NEIL3: variants seen among roughly 807,000 people sequenced by gnomAD.
The protein encoded by NEIL3 is endonuclease 8-like 3.
A neutral mutation model predicts 57.5 loss-of-function variants in NEIL3; 48 were observed. That is an observed-to-expected ratio of 0.83 (90% confidence interval 0.66 to 1.06). The LOEUF (loss-of-function observed/expected upper bound fraction) is 1.06, where lower values mean the gene tolerates loss of function less well. Ranked by LOEUF, NEIL3 falls within the 50% of genes least tolerant of loss-of-function variation. The probability of loss-of-function intolerance (pLI) is 0.00; values close to 1 mark genes in which losing one functional copy is unlikely to be tolerated. For missense variants in NEIL3, 717 were observed against 739.1 expected (o/e 0.97, Z 0.35); for synonymous variants, 261 against 253.2 (o/e 1.03, Z -0.29).
chr4:177,341,565 C>A lies in NEIL3; in HGVS notation c.792C>A (p.Cys264Ter). The A allele has an allele frequency of 6.2e-7, 1 of 1,613,420 alleles. No homozygotes were observed. The highest frequency in any genetic ancestry group is 8.5e-7 in the Non-Finnish European group (1 of 1,179,786). ...CGQCHCRITV[C>*]RFGDNNRMTY... is the part of the protein sequence containing the mutation. ...AGTGCCACTGCAGAATAACTGTGTGCCGCTTTGGGGACAATAACAGAATGA... is the reference window on the plus strand; with the variant it reads ...AGTGCCACTGCAGAATAACTGTGTGACGCTTTGGGGACAATAACAGAATGA... The change falls in exon 6 of 10, where the codon TGC becomes TGA. Residue 264 changes from cysteine (C) to a stop codon, truncating the protein, a stop_gained. Coordinates refer to ENST00000264596, the MANE Select transcript of NEIL3 (RefSeq NM_018248.3). LOFTEE classifies it high-confidence loss of function.
chr4:177,341,574 G>T lies in NEIL3; in HGVS notation c.801G>T (p.Gly267=). 2 of 1,613,384 alleles carry T rather than the reference G, an allele frequency of 1.2e-6. No individual in the cohort carries two copies. The highest frequency in any genetic ancestry group is 1.7e-6 in the Non-Finnish European group (2 of 1,179,828). ...CHCRITVCRF[G]DNNRMTYFCP... ...GCAGAATAACTGTGTGCCGCTTTGG[G>T]GACAATAACAGAATGACATATTTCT... The change falls in exon 6 of 10, where the codon GGG becomes GGT. Residue 267 remains glycine, a synonymous_variant. Transcript: ENST00000264596.
chr4:177,361,099 G>A (rs35004588), intron 9 of NEIL3, among the ~76,000 whole-genome samples: 3,170 of 150,314 alleles, frequency 0.021, 115 homozygotes, highest in African/African-American at 0.072. Context: ...TTACATGCCT[G>A]GGATTTACAA....
At chr4:177,316,317 A>G (rs999138336) in intron 1 of NEIL3, among the ~76,000 whole-genome samples, 1 of 152,174 alleles carries the variant, frequency 6.6e-6, no homozygotes, top group African/African-American at 2.4e-5. Context: ...AAAACCAGGC[A>G]TTCTAGGACT....
intron 8 of NEIL3, among the ~76,000 whole-genome samples, chr4:177,358,304 G>T (rs1735524174): frequency 1.3e-5 from 2 of 151,266 alleles, no homozygotes; most frequent in South Asian, 4.3e-4. Flanking sequence ...TTTTGTTGTT[G>T]TTTTTTGTTT....
chr4:177,317,280 A>G (rs1578986059), intron 1 of NEIL3, among the ~76,000 whole-genome samples: 2 of 152,200 alleles, frequency 1.3e-5, no homozygotes, highest in African/African-American at 4.8e-5. Context: ...ACACCAGTAG[A>G]GCAAATAAGA....
intron 1 of NEIL3, among the ~76,000 whole-genome samples, chr4:177,316,877 CT>C (rs1472141673): frequency 6.6e-6 from 1 of 152,134 alleles, no homozygotes; most frequent in Non-Finnish European, 1.5e-5. Context: ...CAAGATTATC[CT>C]ACTGTCCAGG....
At chr4:177,356,819 A>G (rs1478403369) in intron 8 of NEIL3, among the ~76,000 whole-genome samples, 1 of 152,168 alleles carries the variant, frequency 6.6e-6, no homozygotes, top group Non-Finnish European at 1.5e-5. Flanking sequence ...AACAGTTAAG[A>G]ATAATTACTA....
At chr4:177,324,487 A>G (rs1162214871) in intron 2 of NEIL3, among the ~76,000 whole-genome samples, 1 of 152,138 alleles carries the variant, frequency 6.6e-6, no homozygotes, top group Non-Finnish European at 1.5e-5. Context: ...GTAAAAATCC[A>G]CACATCAGAA....
rs1560909320 is a variant in NEIL3, at chr4:177,322,571, AAGC to A, written c.270_272del (p.Lys90_Ala91delinsAsn). 8 of 1,613,838 alleles carry A rather than the reference AAGC, an allele frequency of 5.0e-6. No individual in the cohort carries two copies. Among genetic ancestry groups the A allele is most frequent in the Non-Finnish European group, 6.8e-6 (8 of 1,179,786 alleles). On this transcript the variant is annotated inframe_deletion, in exon 2 of 10. Transcript: ENST00000264596. ...GAGCTCTTTATGTACTTTGGACCAA[AAGC>A]TTTACGGTAAGATAAGCCTGTACGA...
intron 1 of NEIL3, among the ~76,000 whole-genome samples, chr4:177,319,287 A>C (rs1156832503): frequency 1.3e-5 from 2 of 152,194 alleles, no homozygotes; most frequent in Non-Finnish European, 2.9e-5. Flanking sequence ...TAGGGAGAAG[A>C]CAAGTAGTGA....
chr4:177,339,800 T>A lies in NEIL3; in HGVS notation c.645T>A (p.Asp215Glu), dbSNP rs778627059. ...ACTTCAAGGTTTGTCAATTAACAGATGAACAGATCCATCACCTCATGAAAA... is the reference window on the plus strand; with the variant it reads ...ACTTCAAGGTTTGTCAATTAACAGAAGAACAGATCCATCACCTCATGAAAA... ...HPAVKVCQLTDEQIHHLMKMI... is the reference protein window; with the variant it reads ...HPAVKVCQLTEEQIHHLMKMI... The change falls in exon 5 of 10, where the codon GAT becomes GAA. Residue 215 changes from aspartate to glutamate, a missense_variant. Transcript: ENST00000264596. 4 of 1,613,630 alleles carry A rather than the reference T, an allele frequency of 2.5e-6. No individual in the cohort carries two copies. The Admixed American group carries it at 6.7e-5, about 27-fold the overall frequency.
At chr4:177,340,000 G>A (rs181724734) in intron 5 of NEIL3, 143 bp downstream of exon 5, 4 of 616,448 alleles carry the variant, frequency 6.5e-6, no homozygotes, top group South Asian at 6.0e-5. Flanking sequence ...CATTATGTGG[G>A]TGTAATTAAC....
intron 2 of NEIL3, among the ~76,000 whole-genome samples, chr4:177,330,619 T>C (rs1734867841): frequency 6.6e-6 from 1 of 152,122 alleles, no homozygotes; most frequent in South Asian, 2.1e-4. Flanking sequence ...AAAAATGTAA[T>C]AAAAATGATA....
rs752114282 is a variant in NEIL3, at chr4:177,355,107, C to T, written c.1460+1379C>T. Among the ~76,000 whole-genome samples the T allele has an allele frequency of 1.7e-4, 26 of 152,186 alleles. 1 individual carries two copies. Among genetic ancestry groups the T allele is most frequent in the Non-Finnish European group, 3.2e-4 (22 of 68,048 alleles). On this transcript the variant is annotated intron_variant, in intron 8 of 9. Coordinates refer to ENST00000264596, the MANE Select transcript of NEIL3 (RefSeq NM_018248.3). ...CCGATGTTATATCTCCAACACAGGA[C>T]ACATTTCTCCACCATTTTCTTTTCT...
intron 8 of NEIL3, among the ~76,000 whole-genome samples, chr4:177,357,674 T>C (rs1189790654): frequency 6.6e-6 from 1 of 152,226 alleles, no homozygotes; most frequent in South Asian, 2.1e-4. Context: ...GAGCAGACTA[T>C]AGCCAGCAGG....
At chr4:177,326,710 G>A (rs1734785502) in intron 2 of NEIL3, among the ~76,000 whole-genome samples, 1 of 151,962 alleles carries the variant, frequency 6.6e-6, no homozygotes, top group East Asian at 1.9e-4. Flanking sequence ...TATGTATTTA[G>A]ATCTTCCTTC....
chr4:177,358,017 A>G (rs1436188593), intron 8 of NEIL3, among the ~76,000 whole-genome samples: 1 of 152,326 alleles, frequency 6.6e-6, no homozygotes, highest in African/African-American at 2.4e-5. Context: ...ATCCTGGATA[A>G]TGTTGTCTAT....
rs778450202 is a variant in NEIL3 at position 177,351,418 on chromosome 4, C to A, written c.908C>A (p.Ser303Tyr). ...AGAAATACTATAATCAGTTGGACAT[C>A]TAGCAGGGTGGATCATGTTATGGAC... is the stretch of plus-strand genomic sequence containing the variant. ...PTRNTIISWTSSRVDHVMDSV... is the reference protein window; with the variant it reads ...PTRNTIISWTYSRVDHVMDSV... Residue 303 changes from serine (S) to tyrosine (Y), a missense_variant, in exon 7 of 10, where the codon TCT becomes TAT. Physicochemically the swap from Ser to Tyr is moderately radical, Grantham distance 144 (BLOSUM62 -2). Transcript: ENST00000264596. The A allele has an allele frequency of 6.2e-7, 1 of 1,613,698 alleles. No homozygotes were observed. The highest frequency in any genetic ancestry group is 8.5e-7 in the Non-Finnish European group (1 of 1,179,762).
intron 2 of NEIL3, among the ~76,000 whole-genome samples, chr4:177,330,435 A>G (rs1734860343): frequency 6.6e-6 from 1 of 152,224 alleles, no homozygotes; most frequent in African/African-American, 2.4e-5. Flanking sequence ...AAAAACTAGA[A>G]GAATAAGAGC....
Sources: allele counts gnomAD v4.1 joint callset (sites outside exome capture counted in the v4.1 genomes callset), GRCh38; gene constraint gnomAD v4.1.1; transcripts MANE v1.5; gene names NCBI Gene and HGNC (gene_info 2026-07-23, HGNC 2026-07-21).